The following WNK4 variants were observed in gnomAD, a reference collection of about 807,000 sequenced individuals.
The protein encoded by WNK4 is serine/threonine-protein kinase WNK4.
A neutral mutation model predicts 116.2 loss-of-function variants in WNK4; 94 were observed. The ratio of observed to expected loss-of-function variants is 0.81; its 90% CI spans 0.68 to 0.96. WNK4 has a LOEUF of 0.96. Ranked by LOEUF, WNK4 falls within the 40% of genes least tolerant of loss-of-function variation. The pLI, the probability that WNK4 is intolerant of heterozygous loss-of-function variation, is 0.00. For synonymous variants in WNK4, 655 were observed against 672.7 expected (o/e 0.97, Z 0.41); for missense variants, 1,542 against 1,650.6 (o/e 0.93, Z 1.14).
At chr17:42,794,447 T>G in intron 12 of WNK4, 167 bp from the exon 13 acceptor site, 1 of 716,354 alleles carries the variant, frequency 1.4e-6, no homozygotes. Context: ...GCAGACATCA[T>G]GCCCTTTTAC....
In WNK4 at chr17:42,788,802, G is replaced by T; in HGVS notation, c.2157+5G>T. On this transcript the variant is annotated splice_donor_5th_base_variant and intron_variant, in intron 11 of 18. Coordinates refer to ENST00000246914, the MANE Select transcript of WNK4 (RefSeq NM_032387.5). The stretch of plus-strand genomic sequence containing the variant: ...GAAGAGATTGCAGCTGCCATGGTGA[G>T]GGGGAGAGAGATGAGGACAGAGTGT... The T allele has an allele frequency of 6.2e-7, 1 of 1,609,484 alleles. No individual in the cohort carries two copies.
chr17:42,783,442 C>T (rs1334192832), intron 2 of WNK4, among the ~76,000 whole-genome samples: 1 of 152,198 alleles, frequency 6.6e-6, no homozygotes, highest in Non-Finnish European at 1.5e-5. Context: ...TCACAAAGTC[C>T]TTAGGATACA....
chr17:42,792,754 A>G (rs374687885), intron 11 of WNK4, among the ~76,000 whole-genome samples: 1 of 152,208 alleles, frequency 6.6e-6, no homozygotes, highest in South Asian at 2.1e-4. Context: ...TAGGTGCTCA[A>G]TAAGTATTCA....
rs1452449061 is a variant in WNK4 at position 42,784,931 on chromosome 17, G to GC, written c.1171-166_1171-165insC. 2.0e-5 allele frequency among the ~76,000 whole-genome samples: 3 copies of GC among 148,098 alleles called. No homozygotes were observed. Among genetic ancestry groups the GC allele is most frequent in the East Asian group, 1.9e-4 (1 of 5,140 alleles). ...AAGATCACACTGTAAATACTTGGGG[G>GC]GGGGGCGGGGATTAGGATTTGAAAT... On this transcript the variant is annotated intron_variant, in intron 4 of 18. Coordinates refer to ENST00000246914, the MANE Select transcript of WNK4 (RefSeq NM_032387.5). The surrounding 1 kb of genome is among the most constrained non-coding windows in gnomAD (Gnocchi z 4.4).
chr17:42,788,790 C>T lies in WNK4; in HGVS notation c.2150C>T (p.Ala717Val). 1 of 1,613,540 alleles carries T rather than the reference C, an allele frequency of 6.2e-7. No homozygotes were observed. The highest frequency in any genetic ancestry group is 1.3e-5 in the African/African-American group (1 of 75,024). ...GGGGACAGCCCGGAAGAGATTGCAGCTGCCATGGTGAGGGGGAGAGAGATG... is the reference window on the plus strand; with the variant it reads ...GGGGACAGCCCGGAAGAGATTGCAGTTGCCATGGTGAGGGGGAGAGAGATG... ...LDGDSPEEIA[A>V]AMVYNEFILP... Residue 717 changes from alanine (A) to valine (V), a missense_variant, in exon 11 of 19, where the codon GCT (alanine) becomes GTT (valine). Coordinates refer to ENST00000246914, the MANE Select transcript of WNK4 (RefSeq NM_032387.5).
rs780271415 is a variant in WNK4 at position 42,794,889 on chromosome 17, T to C, written c.2468T>C (p.Ile823Thr). The C allele has an allele frequency of 1.9e-6, 3 of 1,608,756 alleles. No homozygotes were observed. Among genetic ancestry groups the C allele is most frequent in the Non-Finnish European group, 2.5e-6 (3 of 1,177,710 alleles). Residue 823 changes from isoleucine (I) to threonine (T), a missense_variant, in exon 14 of 19, where the codon ATT (isoleucine) becomes ACT (threonine). This residue lies in a region of WNK4 where 808 missense variants were observed against 873.6 expected (regional missense o/e 0.92). Coordinates refer to ENST00000246914, the MANE Select transcript of WNK4 (RefSeq NM_032387.5). ...AACCCATTTTCCCCTGGAACCCCCA[T>C]TTCCCCAGGTCCCATCTTCCCCATC... The part of the protein sequence containing the change: ...PGNPFSPGTP[I>T]SPGPIFPITS...
chr17:42,796,062 A>G, intron 16 of WNK4, 29 bp downstream of exon 16: 1 of 1,614,036 alleles, frequency 6.2e-7, no homozygotes, highest in Non-Finnish European at 8.5e-7. Context: ...GAGGAGTGAG[A>G]GGAGAACCTG....
intron 10 of WNK4, 72 bp from the exon 11 acceptor site, chr17:42,788,609 T>C (rs965121827): frequency 7.5e-7 from 1 of 1,339,374 alleles, no homozygotes; most frequent in Non-Finnish European, 1.1e-6. Context: ...GTCACTTGGC[T>C]GGGGTAGGGT....
chr17:42,789,665 A>AAAATAAAT lies in WNK4; in HGVS notation c.2157+906_2157+913dup, dbSNP rs3138622. ...GGCGACAAGAGTGAGATTCTGTCTA[A>AAAATAAAT]AAATAAATAAATAAATAAATAAATA... On this transcript the variant is annotated intron_variant, in intron 11 of 18. Transcript: ENST00000246914. Among the ~76,000 whole-genome samples the AAAATAAAT allele has an allele frequency of 6.0e-3, 853 of 143,122 alleles. 10 individuals carry two copies. Among genetic ancestry groups the AAAATAAAT allele is most frequent in the South Asian group, 0.029 (127 of 4,332 alleles). 93.9% of individuals were successfully genotyped at this position (143,122 alleles called of 152,430 possible).
At chr17:42,781,865 T>G (rs1345593188) in intron 1 of WNK4, among the ~76,000 whole-genome samples, 1 of 152,154 alleles carries the variant, frequency 6.6e-6, no homozygotes, top group Non-Finnish European at 1.5e-5. Context: ...ACTTCTGGAC[T>G]TCTCCACAGC....
intron 15 of WNK4, 46 bp downstream of exon 15, chr17:42,795,567 ACTGT>A (rs756966810): frequency 1.5e-5 from 25 of 1,613,648 alleles, no homozygotes; most frequent in African/African-American, 1.3e-4. Flanking sequence ...ATCCCTACTC[ACTGT>A]CTGTCCTGTC....
At chr17:42,793,913 C>A (rs1293771031) in intron 12 of WNK4, 184 bp downstream of exon 12, 1 of 696,178 alleles carries the variant, frequency 1.4e-6, no homozygotes, top group South Asian at 1.6e-5. Context: ...AGTGCAGTGG[C>A]ACGATCTCGG....
rs55751736 is a variant in WNK4, at chr17:42,787,454, C to G, written c.1653C>G (p.Pro551=). Residue 551 remains proline (P), a synonymous_variant, in exon 7 of 19, where the codon CCC becomes CCG. Coordinates refer to ENST00000246914, the MANE Select transcript of WNK4 (RefSeq NM_032387.5). Reference sequence around the variant, plus strand: ...CTGTGCCCATGGCCCCCGGTCCCCCCAGTGTCTTCCCCCCTGAGCCTGAGG... The same window carrying G: ...CTGTGCCCATGGCCCCCGGTCCCCCGAGTGTCTTCCCCCCTGAGCCTGAGG... ...PATVPMAPGP[P]SVFPPEPEEP... is the part of the protein sequence containing the mutation. 6.4e-7 allele frequency: 1 copy of G among 1,563,138 alleles called. No homozygotes were observed. The highest frequency in any genetic ancestry group is 8.7e-7 in the Non-Finnish European group (1 of 1,149,544).
chr17:42,793,985 T>G, intron 12 of WNK4: 1 of 439,938 alleles, frequency 2.3e-6, no homozygotes, highest in South Asian at 2.0e-5. Flanking sequence ...CCCGAGTAGC[T>G]GGGACTACAG....
rs1251166517 is a variant in WNK4, at chr17:42,782,160, C to T, written c.619-598C>T. Among the ~76,000 whole-genome samples the T allele has an allele frequency of 6.6e-6, 1 of 151,614 alleles. No homozygotes were observed. On this transcript the variant is annotated intron_variant, in intron 1 of 18. Coordinates refer to ENST00000246914, the MANE Select transcript of WNK4 (RefSeq NM_032387.5). The surrounding 1 kb of genome is among the most constrained non-coding windows in gnomAD (Gnocchi z 4.2). Reference sequence around the variant, plus strand: ...CCTTGCGCCTGCCAGTGCCGCGCCCCAGGCTCTGGGCCAGGCCAGGAGAGG... The same window carrying T: ...CCTTGCGCCTGCCAGTGCCGCGCCCTAGGCTCTGGGCCAGGCCAGGAGAGG...
intron 2 of WNK4, 29 bp from the exon 3 acceptor site, chr17:42,783,908 C>T: frequency 6.2e-7 from 1 of 1,600,016 alleles, no homozygotes; most frequent in East Asian, 2.3e-5. Context: ...GTCCCCCCAC[C>T]AGGACTCTGG....
chr17:42,787,733 T>A (rs775711588), intron 7 of WNK4, 45 bp from the exon 8 acceptor site: 1 of 1,606,710 alleles, frequency 6.2e-7, no homozygotes, highest in Admixed American at 1.7e-5. Flanking sequence ...CTGCCACTAT[T>A]CCCTTTTATT....
At chr17:42,789,663 TAAAA>T (rs1041996494) in intron 11 of WNK4, among the ~76,000 whole-genome samples, 3 of 131,566 alleles carry the variant, frequency 2.3e-5, no homozygotes, top group Admixed American at 7.4e-5. Flanking sequence ...AGATTCTGTC[TAAAA>T]ATAAATAAAT....
chr17:42,793,364 T>C (rs1234633485), intron 11 of WNK4, among the ~76,000 whole-genome samples: 2 of 152,024 alleles, frequency 1.3e-5, no homozygotes, highest in Non-Finnish European at 2.9e-5. Flanking sequence ...GTGCCCGCCA[T>C]CATGCCCAGC....
Sources: allele counts gnomAD v4.1 joint callset (sites outside exome capture counted in the v4.1 genomes callset), GRCh38; gene constraint gnomAD v4.1.1; regional missense constraint gnomAD v4.1.1; non-coding constraint Gnocchi (gnomAD v3.1); transcripts MANE v1.5; gene names NCBI Gene and HGNC (gene_info 2026-07-23, HGNC 2026-07-21).